The following MSRB3 variants were observed in gnomAD, a reference collection of about 807,000 sequenced individuals.
The protein encoded by MSRB3 is methionine sulfoxide reductase B3, also known as methionine-R-sulfoxide reductase B3.
In MSRB3, 13 loss-of-function variants were observed where a neutral mutation model predicts 21.0. That is an observed-to-expected ratio of 0.62 (90% CI 0.40 to 0.98). The LOEUF (loss-of-function observed/expected upper bound fraction) is 0.98. MSRB3 is among the 50% of genes least tolerant of loss of function. MSRB3 has a pLI of 0.00. For missense variants in MSRB3, 199 were observed against 230.3 expected, an observed-to-expected ratio of 0.86 and a Z score of 0.88; for synonymous variants, 87 against 88.6, an observed-to-expected ratio of 0.98 and a Z score of 0.10.
At chr12:65,322,048 A>G (rs1874702572) in intron 2 of MSRB3, among the ~76,000 whole-genome samples, 1 of 152,188 alleles carries the variant, frequency 6.6e-6, no homozygotes, top group Non-Finnish European at 1.5e-5. Flanking sequence ...ACACCGAAAT[A>G]TAAAATTTAT....
At chr12:65,364,653 T>A (rs1181346761) in intron 4 of MSRB3, among the ~76,000 whole-genome samples, 1 of 152,196 alleles carries the variant, frequency 6.6e-6, no homozygotes. Context: ...CTTTTTACAT[T>A]TGCCGTATAT....
At chr12:65,326,702 G>A (rs1327338415) in intron 2 of MSRB3, 124 bp from the exon 3 acceptor site, 22 of 720,582 alleles carry the variant, frequency 3.1e-5, no homozygotes, top group Non-Finnish European at 5.1e-5. Context: ...CATTTCCAGT[G>A]CATTAGAGAC....
intron 5 of MSRB3, among the ~76,000 whole-genome samples, chr12:65,452,515 A>C (rs1290538245): frequency 6.6e-6 from 1 of 152,144 alleles, no homozygotes; most frequent in Non-Finnish European, 1.5e-5. Flanking sequence ...AGCATAATTA[A>C]TTTTTGTGAA....
chr12:65,399,760 T>C (rs1880018181), intron 5 of MSRB3, among the ~76,000 whole-genome samples: 1 of 152,216 alleles, frequency 6.6e-6, no homozygotes, highest in South Asian at 2.1e-4. Flanking sequence ...GCTCTTATTA[T>C]TTTGAGATAC....
At chr12:65,379,455 C>G (rs901891576) in intron 5 of MSRB3, among the ~76,000 whole-genome samples, 1 of 152,132 alleles carries the variant, frequency 6.6e-6, no homozygotes, top group Non-Finnish European at 1.5e-5. Flanking sequence ...ACGTGTAGAA[C>G]AAGGTCAGTA....
At chr12:65,294,046 A>G (rs532172454) in intron 1 of MSRB3, among the ~76,000 whole-genome samples, 21 of 152,146 alleles carry the variant, frequency 1.4e-4, no homozygotes, top group African/African-American at 5.1e-4. Context: ...CTTTTTTCTG[A>G]TTGGAGTGCT....
At chr12:65,409,284 T>G (rs1469072525) in intron 5 of MSRB3, among the ~76,000 whole-genome samples, 4 of 152,126 alleles carry the variant, frequency 2.6e-5, no homozygotes, top group African/African-American at 9.7e-5. Flanking sequence ...TTTGTCATTG[T>G]GCAAACATCA....
At chr12:65,398,618 C>G (rs1279874436) in intron 5 of MSRB3, among the ~76,000 whole-genome samples, 1 of 152,128 alleles carries the variant, frequency 6.6e-6, no homozygotes, top group Non-Finnish European at 1.5e-5. Context: ...TTAATTAGAT[C>G]CCATTTGTCA....
intron 4 of MSRB3, among the ~76,000 whole-genome samples, chr12:65,359,371 T>C (rs1877574684): frequency 6.6e-6 from 1 of 152,078 alleles, no homozygotes; most frequent in South Asian, 2.1e-4. Flanking sequence ...CCGCTAGCCA[T>C]AACTTCTATT....
At chr12:65,306,346 T>G (rs1237410526) in intron 1 of MSRB3, among the ~76,000 whole-genome samples, 1 of 152,210 alleles carries the variant, frequency 6.6e-6, no homozygotes, top group Non-Finnish European at 1.5e-5. Context: ...AGTATTAGTT[T>G]GATGTAACCA....
chr12:65,303,696 T>G (rs2136415531), intron 1 of MSRB3, among the ~76,000 whole-genome samples: 1 of 152,212 alleles, frequency 6.6e-6, no homozygotes, highest in Middle Eastern at 3.4e-3. Context: ...ACACTGTCAC[T>G]GTCGTTAAGG....
At chr12:65,283,118 G>C (rs1432119239) in intron 1 of MSRB3, among the ~76,000 whole-genome samples, 1 of 152,136 alleles carries the variant, frequency 6.6e-6, no homozygotes, top group Non-Finnish European at 1.5e-5. Context: ...ATAGCTTAGG[G>C]ACTGAGAATT....
chr12:65,328,797 G>C (rs1192400803), intron 4 of MSRB3, among the ~76,000 whole-genome samples, 194 bp downstream of exon 4: 2 of 152,154 alleles, frequency 1.3e-5, no homozygotes, highest in Admixed American at 1.3e-4. Context: ...GGCTGATTTT[G>C]CACTACTTGG....
intron 2 of MSRB3, among the ~76,000 whole-genome samples, chr12:65,309,734 G>C (rs567122830): frequency 3.4e-4 from 52 of 152,312 alleles, no homozygotes; most frequent in African/African-American, 1.2e-3. Flanking sequence ...TGGTAGCACA[G>C]TTAGCCTGGT....
chr12:65,279,901 T>G (rs754699293), intron 1 of MSRB3, among the ~76,000 whole-genome samples: 1 of 152,222 alleles, frequency 6.6e-6, no homozygotes, highest in Non-Finnish European at 1.5e-5. Context: ...TTATAATTCC[T>G]TAGAGCTGAG....
At chr12:65,366,170 G>A (rs963838458) in intron 4 of MSRB3, among the ~76,000 whole-genome samples, 2 of 152,216 alleles carry the variant, frequency 1.3e-5, no homozygotes, top group Admixed American at 1.3e-4. Context: ...GAGCAGGAAT[G>A]TGAAGAAGTA....
intron 4 of MSRB3, among the ~76,000 whole-genome samples, chr12:65,363,299 T>C (rs963519655): frequency 7.2e-5 from 11 of 152,218 alleles, no homozygotes; most frequent in Non-Finnish European, 4.4e-5. Flanking sequence ...AGAGAGACAA[T>C]AAAATAAAAT....
intron 5 of MSRB3, among the ~76,000 whole-genome samples, chr12:65,391,242 A>G (rs1879465828): frequency 6.6e-6 from 1 of 151,886 alleles, no homozygotes; most frequent in African/African-American, 2.4e-5. Flanking sequence ...CAATCATCTC[A>G]AGCTAAGAGG....
At chr12:65,321,148 C>T (rs1468182900) in intron 2 of MSRB3, among the ~76,000 whole-genome samples, 1 of 152,112 alleles carries the variant, frequency 6.6e-6, no homozygotes, top group Non-Finnish European at 1.5e-5. Flanking sequence ...TTCTAAGAGA[C>T]TATATAATTT....
Sources: allele counts gnomAD v4.1 joint callset (sites outside exome capture counted in the v4.1 genomes callset), GRCh38; gene constraint gnomAD v4.1.1; transcripts MANE v1.5; gene names NCBI Gene and HGNC (gene_info 2026-07-23, HGNC 2026-07-21).